AADAT: variants seen among roughly 807,000 people sequenced by gnomAD.
AADAT encodes the protein kynurenine/alpha-aminoadipate aminotransferase, mitochondrial.
In AADAT, 25 loss-of-function variants were observed where a neutral mutation model predicts 56.2. That is an observed-to-expected ratio of 0.44 (90% confidence interval 0.32 to 0.62). The LOEUF is 0.62. Among genes scored for constraint, AADAT ranks in the 20% least tolerant of loss-of-function variants. AADAT has a pLI of 0.04. For synonymous variants in AADAT, 173 were observed against 164.7 expected, an observed-to-expected ratio of 1.05 and a Z score of -0.39; for missense variants, 387 against 510.5, an observed-to-expected ratio of 0.76 and a Z score of 2.33.
chr4:170,080,513 G>A (rs1010451530), intron 3 of AADAT, among the ~76,000 whole-genome samples: 1 of 152,158 alleles, frequency 6.6e-6, no homozygotes, highest in African/African-American at 2.4e-5. Context: ...AAAATCGGGA[G>A]GCAGGACTAC....
chr4:170,091,101 C>T (rs922662700), upstream of AADAT, among the ~76,000 whole-genome samples: 2 of 152,260 alleles, frequency 1.3e-5, no homozygotes, highest in African/African-American at 4.8e-5. Context: ...ACTCTTGGCG[C>T]CTCCTCGGCC....
intron 9 of AADAT, 70 bp downstream of exon 9, chr4:170,067,257 G>A: frequency 1.8e-6 from 2 of 1,120,972 alleles, no homozygotes; most frequent in South Asian, 2.7e-5. Flanking sequence ...AATCAATACT[G>A]TAGGTGATCT....
At chr4:170,082,412 C>T (rs1023472284) in intron 3 of AADAT, among the ~76,000 whole-genome samples, 1 of 151,520 alleles carries the variant, frequency 6.6e-6, no homozygotes, top group South Asian at 2.1e-4. Context: ...AACCACAGTA[C>T]AAAAACTTAT....
At chr4:170,071,046 G>A (rs1432890359) in intron 5 of AADAT, among the ~76,000 whole-genome samples, 5 of 152,172 alleles carry the variant, frequency 3.3e-5, no homozygotes, top group Admixed American at 6.6e-5. Flanking sequence ...CTGAGTAGCT[G>A]GGATTACAGG....
intron 5 of AADAT, among the ~76,000 whole-genome samples, chr4:170,071,826 A>C (rs1261652110): frequency 1.3e-5 from 2 of 152,178 alleles, no homozygotes; most frequent in Non-Finnish European, 2.9e-5. Flanking sequence ...TAGAGTCCAC[A>C]GGAGAAGCAA....
intron 2 of AADAT, among the ~76,000 whole-genome samples, chr4:170,087,622 T>C (rs1275840054): frequency 6.6e-6 from 1 of 152,196 alleles, no homozygotes; most frequent in African/African-American, 2.4e-5. Flanking sequence ...AAGTTGTTTG[T>C]ATCATGGAAT....
intron 3 of AADAT, among the ~76,000 whole-genome samples, chr4:170,082,058 G>T (rs1413465489): frequency 2.0e-5 from 3 of 152,092 alleles, no homozygotes; most frequent in Non-Finnish European, 1.5e-5. Flanking sequence ...ATGTGCAAAA[G>T]AAAACTTTTC....
intron 3 of AADAT, among the ~76,000 whole-genome samples, chr4:170,085,064 T>A (rs11731442): frequency 1.3e-5 from 2 of 152,162 alleles, no homozygotes; most frequent in African/African-American, 2.4e-5. Flanking sequence ...ATGGTAAATA[T>A]ATTTTCTCTT....
intron 11 of AADAT, among the ~76,000 whole-genome samples, chr4:170,064,504 C>T (rs1039542254): frequency 6.6e-6 from 1 of 152,192 alleles, no homozygotes; most frequent in Non-Finnish European, 1.5e-5. Flanking sequence ...CTGAGATGAA[C>T]AACTATATTT....
At chr4:170,065,173 A>G (rs879528919) in intron 10 of AADAT, among the ~76,000 whole-genome samples, 2 of 152,192 alleles carry the variant, frequency 1.3e-5, no homozygotes, top group East Asian at 1.9e-4. Flanking sequence ...GGCTATTTCA[A>G]TTTAGAAGAG....
At chr4:170,088,996 G>C (rs1339762524) in intron 1 of AADAT, among the ~76,000 whole-genome samples, 1 of 152,212 alleles carries the variant, frequency 6.6e-6, no homozygotes, top group Non-Finnish European at 1.5e-5. Flanking sequence ...AGAACTGTGA[G>C]AAATAATTCT....
chr4:170,076,920 T>C (rs1055196188), intron 4 of AADAT, among the ~76,000 whole-genome samples: 6 of 152,202 alleles, frequency 3.9e-5, no homozygotes, highest in Admixed American at 3.9e-4. Context: ...TTCTTTTATA[T>C]GCATGTGGAA....
At chr4:170,086,121 C>T (rs1432638831) in intron 3 of AADAT, among the ~76,000 whole-genome samples, 2 of 151,946 alleles carry the variant, frequency 1.3e-5, no homozygotes, top group East Asian at 1.9e-4. Context: ...GGTGTGCACC[C>T]GCAGTCCCAG....
In AADAT at chr4:170,062,902, G is replaced by T. The variant is rs539795482; in HGVS notation, c.1135-909C>A. Among the ~76,000 whole-genome samples the T allele has an allele frequency of 6.6e-5, 10 of 152,282 alleles. No individual in the cohort carries two copies. In the East Asian group the frequency reaches 1.9e-3, roughly 29 times the overall value. On this transcript the variant is annotated intron_variant, in intron 11 of 12. Transcript: ENST00000337664. Reference sequence around the variant, plus strand: ...TCTGAATCACTGTTGGAACACAGAGGGTTGCAGGTCACATCTTAGAATTAT... The same window carrying T: ...TCTGAATCACTGTTGGAACACAGAGTGTTGCAGGTCACATCTTAGAATTAT...
chr4:170,087,141 G>C lies in AADAT; in HGVS notation c.344C>G (p.Ser115Cys), dbSNP rs1256387233. The C allele has an allele frequency of 6.2e-7, 1 of 1,613,948 alleles. No homozygotes were observed. The highest frequency in any genetic ancestry group is 1.1e-5 in the South Asian group (1 of 91,016). ...CTTACAAAGACCTTGTTGGCTGCCA[G>C]ATGTGACACATAGATCCATTTGTCC... ...SQGQMDLCVT[S>C]GSQQGLCKVF... Residue 115 changes from serine (S) to cysteine (C), a missense_variant, in exon 3 of 13, where the codon TCT becomes TGT. Coordinates refer to ENST00000337664, the MANE Select transcript of AADAT (RefSeq NM_016228.4).
At chr4:170,086,566 G>A (rs148000207) in intron 3 of AADAT, among the ~76,000 whole-genome samples, 2 of 152,234 alleles carry the variant, frequency 1.3e-5, no homozygotes, top group East Asian at 3.9e-4. Context: ...ATGAAAGCAT[G>A]CCCTCTAAAA....
At chr4:170,091,590 T>C (rs4692791), upstream of AADAT, 17,128 of 153,152 alleles carry the variant, frequency 0.11, 1,126 homozygotes, top group African/African-American at 0.17. Context: ...CCGGTCCCAT[T>C]TACCGCCCAA....
intron 6 of AADAT, among the ~76,000 whole-genome samples, chr4:170,069,879 C>T (rs35569089): frequency 6.6e-6 from 1 of 152,078 alleles, no homozygotes; most frequent in East Asian, 1.9e-4. Context: ...AGTATATGTT[C>T]TTTGCAGCCC....
intron 3 of AADAT, among the ~76,000 whole-genome samples, chr4:170,079,929 C>T (rs1732208904): frequency 6.6e-6 from 1 of 152,068 alleles, no homozygotes; most frequent in African/African-American, 2.4e-5. Context: ...AGTACATAGA[C>T]TAAGGAGAGA....
Sources: allele counts gnomAD v4.1 joint callset (sites outside exome capture counted in the v4.1 genomes callset), GRCh38; gene constraint gnomAD v4.1.1; transcripts MANE v1.5; gene names NCBI Gene and HGNC (gene_info 2026-07-23, HGNC 2026-07-21).